Variants in BRWD1 observed in about 807,000 individuals in gnomAD.
BRWD1 encodes bromodomain and WD repeat domain containing 1.
A neutral mutation model predicts 251.2 loss-of-function variants in BRWD1; 82 were observed. The ratio of observed to expected loss-of-function variants is 0.33; its 90% CI spans 0.27 to 0.39. BRWD1 has a LOEUF of 0.39. Among genes scored for constraint, BRWD1 ranks in the 10% least tolerant of loss-of-function variants. BRWD1 has a pLI of 1.00. For missense variants in BRWD1, 2,233 were observed against 2,711.6 expected (o/e 0.82, Z 3.92); for synonymous variants, 918 against 902.8 (o/e 1.02, Z -0.30).
At position 39,189,727 on chromosome 21, in the gene BRWD1, CTG is replaced by C. The variant is rs2031446094; in HGVS notation, c.*6530_*6531del. ...TCAGTGTTAATTTTATTACTGAAAA[CTG>C]AGTAAATTATAAAGTGCTTTTTCTC... On this transcript the variant is annotated 3_prime_UTR_variant, in exon 41 of 41. Transcript: ENST00000342449. 1 of 980,956 alleles carries C rather than the reference CTG, an allele frequency of 1.0e-6. No homozygotes were observed. The highest frequency in any genetic ancestry group is 1.7e-5 in the African/African-American group (1 of 57,208). The allele number at this position is 980,956 out of a possible 1,614,324, so 60.8% of individuals were successfully genotyped here. A position where few individuals can be genotyped will look rare whatever the true frequency, so the allele number is the denominator to read the frequency against.
intron 19 of BRWD1, among the ~76,000 whole-genome samples, chr21:39,254,657 T>C (rs1249644479): frequency 1.3e-5 from 2 of 152,234 alleles, no homozygotes; most frequent in Non-Finnish European, 2.9e-5. Context: ...GAAAACTAAG[T>C]ATACTTGGGT....
At chr21:39,306,273 G>A (rs1035345222) in intron 4 of BRWD1, among the ~76,000 whole-genome samples, 1 of 151,998 alleles carries the variant, frequency 6.6e-6, no homozygotes, top group Non-Finnish European at 1.5e-5. Flanking sequence ...GTTTCACCAT[G>A]TTGGCCAGGA....
intron 27 of BRWD1, among the ~76,000 whole-genome samples, chr21:39,227,863 A>G (rs1224762647): frequency 6.6e-6 from 1 of 152,214 alleles, no homozygotes; most frequent in Non-Finnish European, 1.5e-5. Flanking sequence ...ATCAAAGATA[A>G]TTATATACAA....
chr21:39,307,503 G>C (rs2036327608), intron 4 of BRWD1, among the ~76,000 whole-genome samples: 1 of 152,068 alleles, frequency 6.6e-6, no homozygotes, highest in Non-Finnish European at 1.5e-5. Flanking sequence ...ATATATACTT[G>C]TGTGAATACA....
At position 39,224,494 on chromosome 21, in the gene BRWD1, G is replaced by A. The variant is rs368181679; in HGVS notation, c.3321-25C>T. On this transcript the variant is annotated intron_variant, in intron 28 of 40. Coordinates refer to ENST00000342449, the MANE Select transcript of BRWD1 (RefSeq NM_033656.4). ...CCTGTTAAAAAACAACAAATCTCTGGTTAGCCTTTCATAAAAACAAAATGT... is the reference window on the plus strand; with the variant it reads ...CCTGTTAAAAAACAACAAATCTCTGATTAGCCTTTCATAAAAACAAAATGT... 4.8e-5 allele frequency: 75 copies of A among 1,546,568 alleles called. No homozygotes were observed. In the African/African-American group the frequency reaches 9.4e-4, roughly 19 times the overall value.
chr21:39,289,282 T>G (rs999670833), intron 8 of BRWD1, among the ~76,000 whole-genome samples: 5 of 152,254 alleles, frequency 3.3e-5, no homozygotes, highest in African/African-American at 1.2e-4. Context: ...ATCTTCATCT[T>G]AAAGTCTAAT....
upstream of BRWD1, among the ~76,000 whole-genome samples, chr21:39,318,814 C>T (rs1390146408): frequency 1.3e-5 from 2 of 152,102 alleles, no homozygotes; most frequent in African/African-American, 4.8e-5. Flanking sequence ...AGATGCGGGT[C>T]TTGCTCTGTT....
intron 25 of BRWD1, among the ~76,000 whole-genome samples, chr21:39,231,882 T>A (rs2146551933): frequency 6.6e-6 from 1 of 152,348 alleles, no homozygotes; most frequent in South Asian, 2.1e-4. Flanking sequence ...TGAAAATCTG[T>A]CTTGGATACA....
At chr21:39,312,820 G>A (rs2036539481) in intron 4 of BRWD1, 21 bp downstream of exon 4, 2 of 1,588,044 alleles carry the variant, frequency 1.3e-6, no homozygotes, top group Non-Finnish European at 1.7e-6. Flanking sequence ...AACCCGGGGA[G>A]CAAACGTGCC....
At chr21:39,284,253 G>A (rs1028057226) in intron 8 of BRWD1, among the ~76,000 whole-genome samples, 4 of 152,168 alleles carry the variant, frequency 2.6e-5, no homozygotes, top group Admixed American at 6.5e-5. Flanking sequence ...GCCAATGGAG[G>A]AGGATTGCTT....
chr21:39,228,432 CA>C, intron 27 of BRWD1, 67 bp downstream of exon 27: 6 of 1,094,098 alleles, frequency 5.5e-6, no homozygotes, highest in Non-Finnish European at 6.9e-6. Context: ...GTCCCACAGC[CA>C]AAAAGGTAGA....
intron 34 of BRWD1, among the ~76,000 whole-genome samples, chr21:39,211,756 C>G (rs2032668777): frequency 6.6e-6 from 1 of 152,110 alleles, no homozygotes; most frequent in African/African-American, 2.4e-5. Context: ...ACGAAAATGA[C>G]TAATCAAATT....
chr21:39,254,739 A>T (rs1188031494), intron 19 of BRWD1, among the ~76,000 whole-genome samples: 1 of 152,244 alleles, frequency 6.6e-6, no homozygotes, highest in Non-Finnish European at 1.5e-5. Context: ...GTTAAAAATC[A>T]TGATTATACA....
At chr21:39,256,054 G>A (rs1054096702) in intron 18 of BRWD1, among the ~76,000 whole-genome samples, 1 of 152,144 alleles carries the variant, frequency 6.6e-6, no homozygotes, top group Non-Finnish European at 1.5e-5. Context: ...CTGGCCTCAA[G>A]CAATCCTCTT....
At chr21:39,262,244 C>T (rs1164532990) in intron 17 of BRWD1, among the ~76,000 whole-genome samples, 2 of 152,072 alleles carry the variant, frequency 1.3e-5, no homozygotes, top group Admixed American at 6.6e-5. Flanking sequence ...GATGATAGCC[C>T]CAAACTGGAA....
chr21:39,266,755 T>C (rs2034934906), intron 15 of BRWD1, among the ~76,000 whole-genome samples: 1 of 152,256 alleles, frequency 6.6e-6, no homozygotes, highest in African/African-American at 2.4e-5. Flanking sequence ...CATGAAATAT[T>C]GTTGCTATTA....
intron 28 of BRWD1, among the ~76,000 whole-genome samples, 185 bp from the exon 29 acceptor site, chr21:39,224,654 G>T (rs1568886221): frequency 6.6e-6 from 1 of 152,118 alleles, no homozygotes; most frequent in Non-Finnish European, 1.5e-5. Context: ...AACAAAACCA[G>T]AAATCCTATG....
At chr21:39,244,857 T>C (rs1326435324) in intron 21 of BRWD1, among the ~76,000 whole-genome samples, 1 of 148,422 alleles carries the variant, frequency 6.7e-6, no homozygotes, top group Non-Finnish European at 1.5e-5. Context: ...CAAACCATGA[T>C]ACAACCTGAC....
chr21:39,236,932 A>T, intron 22 of BRWD1, 148 bp from the exon 23 acceptor site: 1 of 617,534 alleles, frequency 1.6e-6, no homozygotes, highest in Non-Finnish European at 2.8e-6. Context: ...TCCCCTCACT[A>T]CCAGCAAGTA....
Sources: gnomAD v4.1 joint callset for allele counts (sites outside exome capture counted in the v4.1 genomes callset) on GRCh38, gnomAD v4.1.1 for gene constraint, MANE v1.5 for transcripts, NCBI Gene and HGNC (gene_info 2026-07-23, HGNC 2026-07-21) for gene names.